Variants in RPH3A observed in about 807,000 individuals in gnomAD.
The protein encoded by RPH3A is rabphilin-3A.
RPH3A carries 48 observed loss-of-function variants against 102.2 expected under a neutral mutation model. The ratio of observed to expected loss-of-function variants is 0.47; its 90% CI spans 0.37 to 0.60. The LOEUF is 0.60. Among genes scored for constraint, RPH3A ranks in the 20% least tolerant of loss-of-function variants. RPH3A has a pLI of 0.00. For synonymous variants in RPH3A, 310 were observed against 324.3 expected, an observed-to-expected ratio of 0.96 and a Z score of 0.47; for missense variants, 781 against 910.1, an observed-to-expected ratio of 0.86 and a Z score of 1.83.
chr12:112,809,376 A>G (rs2136117772), intron 2 of RPH3A, among the ~76,000 whole-genome samples: 1 of 152,208 alleles, frequency 6.6e-6, no homozygotes, highest in Admixed American at 6.5e-5. Context: ...TCACTATACA[A>G]GCATTTTAAA....
At chr12:112,723,393 A>G (rs1048179942) in intron 1 of RPH3A, among the ~76,000 whole-genome samples, 4 of 152,244 alleles carry the variant, frequency 2.6e-5, no homozygotes, top group Admixed American at 2.6e-4. Context: ...CATTTCTAGT[A>G]CTATACTGTA....
intron 1 of RPH3A, among the ~76,000 whole-genome samples, chr12:112,593,511 A>C (rs1019001287): frequency 6.6e-6 from 1 of 152,228 alleles, no homozygotes; most frequent in African/African-American, 2.4e-5. Context: ...TAGGAACTGC[A>C]CATCCATGTC....
Position 112,854,322 on chromosome 12 carries a change from G to A in RPH3A, c.230+6480G>A, listed in dbSNP as rs780753921. On this transcript the variant is annotated intron_variant, in intron 5 of 21. Transcript: ENST00000389385. ...AGGAATGGGAGATGAAATGGACTGC[G>A]ATTTTTCTTGCAATAGTAACTCAAC... Among the ~76,000 whole-genome samples, 179 of 152,324 alleles carry A rather than the reference G, an allele frequency of 1.2e-3. 1 individual carries two copies. The highest frequency in any genetic ancestry group is 2.1e-3 in the Non-Finnish European group (145 of 68,032).
At chr12:112,583,395 G>A (rs534631015) in intron 1 of RPH3A, among the ~76,000 whole-genome samples, 2 of 152,146 alleles carry the variant, frequency 1.3e-5, no homozygotes, top group African/African-American at 4.8e-5. Context: ...AATAGGATTT[G>A]CACCAAGTTT....
chr12:112,643,391 A>G (rs1000374592), intron 1 of RPH3A, among the ~76,000 whole-genome samples: 1 of 152,236 alleles, frequency 6.6e-6, no homozygotes, highest in South Asian at 2.1e-4. Context: ...AAGTCAAATC[A>G]AGATTAGGTA....
chr12:112,768,613 A>G (rs1361433593), intron 1 of RPH3A, among the ~76,000 whole-genome samples: 1 of 152,122 alleles, frequency 6.6e-6, no homozygotes, highest in African/African-American at 2.4e-5. Context: ...CTGACCACTC[A>G]CTATATTTAA....
rs534697728 is a variant in RPH3A at position 112,670,434 on chromosome 12, G to T, written c.-140+95115G>T. On this transcript the variant is annotated intron_variant, in intron 1 of 21. Coordinates refer to the RPH3A transcript ENST00000543106. ...CTGACCTCAGGAGTTCTGCCTTGGAGCTCTTTTCTACTGATCTCTTGAATA... is the reference window on the plus strand; with the variant it reads ...CTGACCTCAGGAGTTCTGCCTTGGATCTCTTTTCTACTGATCTCTTGAATA... Among the ~76,000 whole-genome samples the T allele has an allele frequency of 2.1e-3, 319 of 152,208 alleles. 1 individual carries two copies. Among genetic ancestry groups the T allele is most frequent in the African/African-American group, 7.0e-3 (291 of 41,512 alleles).
chr12:112,789,880 A>T (rs2041078236), upstream of RPH3A, among the ~76,000 whole-genome samples: 1 of 136,688 alleles, frequency 7.3e-6, no homozygotes, highest in East Asian at 2.1e-4. Context: ...AGTGAGACCC[A>T]TCTCTGCAAA....
intron 1 of RPH3A, among the ~76,000 whole-genome samples, chr12:112,773,087 G>A (rs1329132930): frequency 6.6e-6 from 1 of 151,860 alleles, no homozygotes; most frequent in Non-Finnish European, 1.5e-5. Flanking sequence ...TGGCTGCATA[G>A]TATTCCATCA....
chr12:112,628,623 G>A (rs917405093), intron 1 of RPH3A, among the ~76,000 whole-genome samples: 2 of 140,902 alleles, frequency 1.4e-5, no homozygotes, highest in African/African-American at 5.5e-5. Context: ...AGCAGGGTGG[G>A]GTGGTGCATA....
chr12:112,703,132 G>A (rs1163096382), intron 1 of RPH3A, among the ~76,000 whole-genome samples: 1 of 152,190 alleles, frequency 6.6e-6, no homozygotes, highest in Non-Finnish European at 1.5e-5. Flanking sequence ...ATGTTCTTTT[G>A]CACCTTTGCC....
chr12:112,692,895 A>G (rs1381373362), intron 1 of RPH3A, among the ~76,000 whole-genome samples: 1 of 152,250 alleles, frequency 6.6e-6, no homozygotes, highest in Non-Finnish European at 1.5e-5. Flanking sequence ...AACACCATGC[A>G]GGTCTTGTCA....
intron 1 of RPH3A, among the ~76,000 whole-genome samples, chr12:112,768,539 T>C (rs1302803827): frequency 6.6e-6 from 1 of 152,224 alleles, no homozygotes; most frequent in Non-Finnish European, 1.5e-5. Context: ...CTTAGAGCTA[T>C]GCTGGCCTTG....
intron 1 of RPH3A, among the ~76,000 whole-genome samples, chr12:112,596,220 C>T (rs1239461027): frequency 6.6e-6 from 1 of 152,188 alleles, no homozygotes; most frequent in Non-Finnish European, 1.5e-5. Context: ...TGGCTCACTG[C>T]AGCCTTGAAT....
chr12:112,656,865 G>A (rs191380838), intron 1 of RPH3A, among the ~76,000 whole-genome samples: 179 of 151,772 alleles, frequency 1.2e-3, no homozygotes, highest in African/African-American at 3.8e-3. Context: ...TGGACACTTA[G>A]GTTGATTCCA....
chr12:112,643,629 G>A (rs970321900), intron 1 of RPH3A, among the ~76,000 whole-genome samples: 4 of 152,214 alleles, frequency 2.6e-5, no homozygotes, highest in Non-Finnish European at 4.4e-5. Flanking sequence ...CTTCATGTTC[G>A]TGTCAGCCTG....
chr12:112,621,198 G>A (rs941609850), intron 1 of RPH3A, among the ~76,000 whole-genome samples: 14 of 152,016 alleles, frequency 9.2e-5, no homozygotes, highest in Admixed American at 3.3e-4. Context: ...TATTTGGGTT[G>A]GAGGAGCCAA....
intron 1 of RPH3A, among the ~76,000 whole-genome samples, chr12:112,685,571 C>T (rs1053315720): frequency 1.5e-4 from 23 of 152,142 alleles, no homozygotes; most frequent in Non-Finnish European, 1.0e-4. Context: ...CTACCTGGTT[C>T]GCTGCCAGAA....
At chr12:112,667,601 A>G (rs2040093789) in intron 1 of RPH3A, among the ~76,000 whole-genome samples, 1 of 151,408 alleles carries the variant, frequency 6.6e-6, no homozygotes, top group East Asian at 1.9e-4. Context: ...ACCTAGGGAC[A>G]GTGCAGGGAC....
Sources: allele counts gnomAD v4.1 joint callset (sites outside exome capture counted in the v4.1 genomes callset), GRCh38; gene constraint gnomAD v4.1.1; transcripts MANE v1.5; gene names NCBI Gene and HGNC (gene_info 2026-07-23, HGNC 2026-07-21).